The following EMCN variants were observed in gnomAD, a reference collection of about 807,000 sequenced individuals.
EMCN encodes MUC-14.
In EMCN, 37 loss-of-function variants were observed where a neutral mutation model predicts 38.4. The ratio of observed to expected loss-of-function variants is 0.96; its 90% CI spans 0.74 to 1.27. The LOEUF is 1.27. Ranked by LOEUF, EMCN falls within the 50% of genes most tolerant of loss-of-function variation. The probability of loss-of-function intolerance (pLI) is 0.00; values close to 1 mark genes in which losing one functional copy is unlikely to be tolerated. For missense variants in EMCN, 318 were observed against 302.8 expected, an observed-to-expected ratio of 1.05 and a Z score of -0.37; for synonymous variants, 95 against 100.8, an observed-to-expected ratio of 0.94 and a Z score of 0.35.
chr4:100,474,601 G>A lies in EMCN; in HGVS notation c.259+437C>T, dbSNP rs150169556. On this transcript the variant is annotated intron_variant, in intron 3 of 11. Coordinates refer to ENST00000296420, the MANE Select transcript of EMCN (RefSeq NM_016242.4). ...ATTAGCAAGTAGAAACAATGCAGAT[G>A]TTCATCAATTAATAAACGGATAAAC... is the stretch of plus-strand genomic sequence containing the variant. Among the ~76,000 whole-genome samples, 1,008 of 152,244 alleles carry A rather than the reference G, an allele frequency of 6.6e-3. 11 individuals carry two copies. Among genetic ancestry groups the A allele is most frequent in the African/African-American group, 0.023 (953 of 41,542 alleles).
intron 4 of EMCN, among the ~76,000 whole-genome samples, chr4:100,453,180 T>C (rs1045012856): frequency 6.6e-6 from 1 of 152,074 alleles, no homozygotes; most frequent in Non-Finnish European, 1.5e-5. Context: ...TGGGATCTAA[T>C]TAAACTAAAG....
intron 5 of EMCN, among the ~76,000 whole-genome samples, chr4:100,425,043 A>T (rs1395123225): frequency 6.6e-6 from 1 of 151,946 alleles, no homozygotes; most frequent in Non-Finnish European, 1.5e-5. Flanking sequence ...AAATGTTAAG[A>T]CTTCATAGTG....
At chr4:100,407,608 G>T (rs1243517230) in intron 11 of EMCN, among the ~76,000 whole-genome samples, 1 of 152,098 alleles carries the variant, frequency 6.6e-6, no homozygotes, top group Non-Finnish European at 1.5e-5. Flanking sequence ...CACTGCTGTG[G>T]TTCCCTTTGT....
chr4:100,456,607 G>A (rs1338951673), intron 4 of EMCN, among the ~76,000 whole-genome samples: 1 of 151,746 alleles, frequency 6.6e-6, no homozygotes, highest in Non-Finnish European at 1.5e-5. Flanking sequence ...AGTTTAAAAT[G>A]TATCAGCATA....
chr4:100,399,016 T>C (rs1286546257), intron 11 of EMCN, among the ~76,000 whole-genome samples: 1 of 152,176 alleles, frequency 6.6e-6, no homozygotes, highest in Non-Finnish European at 1.5e-5. Flanking sequence ...ACAATGTGAG[T>C]AATTAAAAAA....
chr4:100,512,648 T>TA (rs549643206), intron 1 of EMCN, among the ~76,000 whole-genome samples: 1 of 151,718 alleles, frequency 6.6e-6, no homozygotes, highest in African/African-American at 2.4e-5. Flanking sequence ...CTACTAAAAA[T>TA]AAAAAAATTT....
intron 4 of EMCN, among the ~76,000 whole-genome samples, chr4:100,451,669 G>A (rs1669040845): frequency 1.3e-5 from 2 of 151,906 alleles, no homozygotes; most frequent in African/African-American, 4.8e-5. Flanking sequence ...AAGGTGTATA[G>A]GGTTTGAGGC....
At chr4:100,511,641 G>C (rs79807129) in intron 1 of EMCN, among the ~76,000 whole-genome samples, 1 of 152,178 alleles carries the variant, frequency 6.6e-6, no homozygotes, top group Non-Finnish European at 1.5e-5. Flanking sequence ...ATTGATCAAA[G>C]ATATTTCATT....
At chr4:100,414,693 T>C (rs1321437508) in intron 10 of EMCN, among the ~76,000 whole-genome samples, 2 of 152,192 alleles carry the variant, frequency 1.3e-5, no homozygotes, top group Non-Finnish European at 2.9e-5. Flanking sequence ...CCGTTTGTTC[T>C]AGTTTGAATT....
intron 4 of EMCN, among the ~76,000 whole-genome samples, chr4:100,451,101 A>G (rs2110246916): frequency 6.6e-6 from 1 of 152,004 alleles, no homozygotes; most frequent in South Asian, 2.1e-4. Context: ...CTAGCAAAGA[A>G]CAAATTCTAG....
chr4:100,487,675 T>G (rs1193023345), intron 1 of EMCN, among the ~76,000 whole-genome samples: 1 of 152,170 alleles, frequency 6.6e-6, no homozygotes, highest in Non-Finnish European at 1.5e-5. Flanking sequence ...GATGGTTTTA[T>G]AAAGGGTATT....
At chr4:100,432,190 A>G (rs1247461392) in intron 5 of EMCN, among the ~76,000 whole-genome samples, 1 of 152,152 alleles carries the variant, frequency 6.6e-6, no homozygotes, top group East Asian at 1.9e-4. Context: ...TTAGAGCTAG[A>G]AAAATGAGTA....
At position 100,458,690 on chromosome 4, in the gene EMCN, C is replaced by T. The variant is rs79638427; in HGVS notation, c.376+6733G>A. 3.2e-3 allele frequency among the ~76,000 whole-genome samples: 481 copies of T among 152,256 alleles called. 2 individuals are homozygous for T. The highest frequency in any genetic ancestry group is 0.011 in the African/African-American group (466 of 41,538). Reference sequence around the variant, plus strand: ...AAAACTAACAAAGGCCTTAAAACAGCCTGTATTCCAACAACAAACATACTC... The same window carrying T: ...AAAACTAACAAAGGCCTTAAAACAGTCTGTATTCCAACAACAAACATACTC... On this transcript the variant is annotated intron_variant, in intron 4 of 11. Coordinates refer to ENST00000296420, the MANE Select transcript of EMCN (RefSeq NM_016242.4).
intron 4 of EMCN, among the ~76,000 whole-genome samples, chr4:100,465,017 G>T (rs1728276612): frequency 6.6e-6 from 1 of 152,028 alleles, no homozygotes; most frequent in Admixed American, 6.5e-5. Context: ...TTTCTTCATA[G>T]GAATATTTTT....
chr4:100,399,416 G>A (rs922626857), intron 11 of EMCN, among the ~76,000 whole-genome samples: 2 of 152,086 alleles, frequency 1.3e-5, no homozygotes, highest in Non-Finnish European at 2.9e-5. Flanking sequence ...GGTTTGGTTG[G>A]TGAAGGCAAG....
At chr4:100,483,750 T>C (rs1396358156) in intron 1 of EMCN, among the ~76,000 whole-genome samples, 1 of 152,190 alleles carries the variant, frequency 6.6e-6, no homozygotes, top group Non-Finnish European at 1.5e-5. Context: ...TTGTAGACCA[T>C]GATGCAAGTA....
At chr4:100,445,746 T>A (rs1727652097) in intron 5 of EMCN, among the ~76,000 whole-genome samples, 1 of 152,160 alleles carries the variant, frequency 6.6e-6, no homozygotes, top group Admixed American at 6.5e-5. Context: ...AAGAATACCC[T>A]GTTAATAAAT....
intron 2 of EMCN, among the ~76,000 whole-genome samples, chr4:100,477,154 T>C (rs1216508211): frequency 1.3e-5 from 2 of 152,242 alleles, no homozygotes; most frequent in Admixed American, 6.5e-5. Flanking sequence ...TTAGTATCAC[T>C]GTTGAGAAAC....
chr4:100,403,350 C>T (rs1300185488), intron 11 of EMCN, among the ~76,000 whole-genome samples: 1 of 152,008 alleles, frequency 6.6e-6, no homozygotes, highest in Non-Finnish European at 1.5e-5. Flanking sequence ...CAGATTCATC[C>T]ATGTTGTTGC....
Sources: gnomAD v4.1 joint callset for allele counts (sites outside exome capture counted in the v4.1 genomes callset) on GRCh38, gnomAD v4.1.1 for gene constraint, MANE v1.5 for transcripts, NCBI Gene and HGNC (gene_info 2026-07-23, HGNC 2026-07-21) for gene names.